MCM10: variants seen among roughly 807,000 people sequenced by gnomAD.
MCM10 encodes the protein minichromosome maintenance 10 replication initiation factor.
In MCM10, 91 loss-of-function variants were observed where a neutral mutation model predicts 109.9. That is an observed-to-expected ratio of 0.83 (90% CI 0.70 to 0.99). MCM10 has a LOEUF of 0.99. Among genes scored for constraint, MCM10 ranks in the 50% least tolerant of loss-of-function variants. MCM10 has a pLI of 0.00. For synonymous variants in MCM10, 380 were observed against 387.2 expected, an observed-to-expected ratio of 0.98 and a Z score of 0.22; for missense variants, 1,077 against 1,061.2, an observed-to-expected ratio of 1.01 and a Z score of -0.21.
chr10:13,174,333 T>C (rs1834113612), intron 5 of MCM10, among the ~76,000 whole-genome samples: 1 of 151,996 alleles, frequency 6.6e-6, no homozygotes, highest in Admixed American at 6.6e-5. Flanking sequence ...TTCATCATGA[T>C]GGGCCAGGCT....
chr10:13,178,846 C>A, intron 6 of MCM10, among the ~76,000 whole-genome samples: 1 of 152,114 alleles, frequency 6.6e-6, no homozygotes, highest in East Asian at 1.9e-4. Context: ...TCAACATAGG[C>A]TATTTTTCCA....
intron 18 of MCM10, among the ~76,000 whole-genome samples, chr10:13,206,652 C>T (rs1215455587): frequency 6.6e-6 from 1 of 152,062 alleles, no homozygotes; most frequent in South Asian, 2.1e-4. Context: ...GTCATTATAG[C>T]AAGAGCTTAT....
chr10:13,191,509 C>T, intron 11 of MCM10, 110 bp downstream of exon 11: 4 of 764,468 alleles, frequency 5.2e-6, no homozygotes. Context: ...GATGGGTACA[C>T]CAAAATCTCA....
chr10:13,176,382 A>G (rs1588468666), intron 6 of MCM10, among the ~76,000 whole-genome samples: 1 of 152,104 alleles, frequency 6.6e-6, no homozygotes, highest in Non-Finnish European at 1.5e-5. Context: ...TCACTACTCC[A>G]TTGCATCTCC....
Position 13,200,042 on chromosome 10 carries a change from T to C in MCM10, c.2238+1235T>C, listed in dbSNP as rs541071359. Among the ~76,000 whole-genome samples the C allele has an allele frequency of 1.3e-4, 20 of 152,130 alleles. No individual in the cohort carries two copies. The South Asian group carries it at 4.1e-3, about 32-fold the overall frequency. ...TTTTCTGTCCCCCATCAGGGCTCACTGCAGCCTCGAACTCCTGGGCTCAAG... is the reference window on the plus strand; with the variant it reads ...TTTTCTGTCCCCCATCAGGGCTCACCGCAGCCTCGAACTCCTGGGCTCAAG... On this transcript the variant is annotated intron_variant, in intron 16 of 19. Coordinates refer to ENST00000378714, the MANE Select transcript of MCM10 (RefSeq NM_018518.5).
Position 13,172,876 on chromosome 10 carries a change from T to A in MCM10, c.592+111T>A. On this transcript the variant is annotated intron_variant, in intron 5 of 19. Transcript: ENST00000378714. The surrounding 1 kb of genome is among the most constrained non-coding windows in gnomAD (Gnocchi z 5.2). ...TCTTTTGGTCTGTCTTATGTCCCCA[T>A]TGAGAAAGAAAGTTTCTTGGGAATG... 1.0e-6 allele frequency: 1 copy of A among 994,442 alleles called. No homozygotes were observed. Among genetic ancestry groups the A allele is most frequent in the East Asian group, 2.6e-5 (1 of 38,198 alleles). 61.6% of individuals were successfully genotyped at this position (994,442 alleles called of 1,614,324 possible). A position where few individuals can be genotyped will look rare whatever the true frequency, so the allele number is the denominator to read the frequency against.
intron 10 of MCM10, among the ~76,000 whole-genome samples, chr10:13,189,567 C>T (rs1251060756): frequency 6.6e-6 from 1 of 152,226 alleles, no homozygotes; most frequent in Non-Finnish European, 1.5e-5. Flanking sequence ...AGGTGATCTG[C>T]CTGCCTCGGC....
Position 13,171,219 on chromosome 10 carries a change from C to T in MCM10, c.305C>T (p.Pro102Leu), listed in dbSNP as rs376103544. The T allele has an allele frequency of 6.2e-7, 1 of 1,613,746 alleles. No homozygotes were observed. The highest frequency in any genetic ancestry group is 8.5e-7 in the Non-Finnish European group (1 of 1,179,832). ...ASQSTENRVL[P>L]APAPRREKTN... ...CAGTCAACTGAAAATAGGGTCCTCC[C>T]TGCTCCTGCCCCCAGGCGAGAGAAA... is the stretch of plus-strand genomic sequence containing the variant. Residue 102 changes from proline to leucine, a missense_variant, in exon 3 of 20, where the codon CCT (proline) becomes CTT (leucine). By Grantham distance (98) the Pro-to-Leu change is moderately conservative. Coordinates refer to ENST00000378714, the MANE Select transcript of MCM10 (RefSeq NM_018518.5).
intron 17 of MCM10, among the ~76,000 whole-genome samples, chr10:13,203,464 C>T (rs564597438): frequency 2.0e-5 from 3 of 152,224 alleles, no homozygotes; most frequent in Admixed American, 2.0e-4. Flanking sequence ...GCCTCGATTC[C>T]CCTTCCCTCT....
chr10:13,184,875 G>A (rs540887624), intron 8 of MCM10, among the ~76,000 whole-genome samples: 1 of 152,126 alleles, frequency 6.6e-6, no homozygotes, highest in Non-Finnish European at 1.5e-5. Flanking sequence ...GGAATACCAT[G>A]CACTGTTTAC....
At chr10:13,180,308 T>C in intron 6 of MCM10, 134 bp from the exon 7 acceptor site, 1 of 544,516 alleles carries the variant, frequency 1.8e-6, no homozygotes. Context: ...GCCTTGGTCA[T>C]ACTATATAAC....
chr10:13,195,214 A>T lies in MCM10; in HGVS notation c.1919A>T (p.Tyr640Phe). The T allele has an allele frequency of 6.2e-7, 1 of 1,612,586 alleles. No individual in the cohort carries two copies. The highest frequency in any genetic ancestry group is 8.5e-7 in the Non-Finnish European group (1 of 1,179,346). The change falls in exon 14 of 20, where the codon TAT becomes TTT. Residue 640 changes from tyrosine to phenylalanine, a missense_variant. Physicochemically the swap from Tyr to Phe is conservative, Grantham distance 22 (BLOSUM62 3). Coordinates refer to ENST00000378714, the MANE Select transcript of MCM10 (RefSeq NM_018518.5). Reference protein sequence around the residue: ...GVLEGDDVLFYDESPPPRPKL... With the variant: ...GVLEGDDVLFFDESPPPRPKL... ...TTGGAAGGAGATGATGTTCTCTTTT[A>T]TGATGAGTCACCACCACCAAGACCA...
chr10:13,204,106 C>T, intron 17 of MCM10, 113 bp from the exon 18 acceptor site: 3 of 1,312,726 alleles, frequency 2.3e-6, no homozygotes, highest in South Asian at 1.5e-5. Context: ...AGCAAGGGCC[C>T]AGGTAGTGAT....
At chr10:13,170,310 T>G (rs1296557123) in intron 2 of MCM10, among the ~76,000 whole-genome samples, 1 of 152,208 alleles carries the variant, frequency 6.6e-6, no homozygotes, top group Non-Finnish European at 1.5e-5. Context: ...AACAAAATGT[T>G]AATGATGGCT....
At chr10:13,192,398 C>T (rs890806248) in intron 12 of MCM10, 33 bp downstream of exon 12, 1 of 1,611,154 alleles carries the variant, frequency 6.2e-7, no homozygotes, top group Non-Finnish European at 8.5e-7. Flanking sequence ...ACGTGTGTCC[C>T]TGTGTTCCCT....
intron 11 of MCM10, 83 bp from the exon 12 acceptor site, chr10:13,192,172 T>G (rs955139447): frequency 2.3e-5 from 19 of 826,268 alleles, no homozygotes; most frequent in Non-Finnish European, 3.2e-5. Context: ...AAATTACAAG[T>G]GCAGAGTTTA....
At chr10:13,192,700 GT>G (rs925311235) in intron 13 of MCM10, 132 bp downstream of exon 13, 4 of 761,220 alleles carry the variant, frequency 5.3e-6, no homozygotes, top group Non-Finnish European at 8.6e-6. Flanking sequence ...GTTTAAAATA[GT>G]TTTCCCATAA....
chr10:13,175,764 T>C, intron 6 of MCM10, 83 bp downstream of exon 6: 1 of 947,060 alleles, frequency 1.1e-6, no homozygotes, highest in Non-Finnish European at 1.6e-6. Context: ...AGTGTGTTTA[T>C]ACATCAGGAT....
chr10:13,205,003 T>C (rs1435557296), intron 18 of MCM10, among the ~76,000 whole-genome samples: 3 of 1,780 alleles, frequency 1.7e-3, no homozygotes, highest in African/African-American at 4.2e-3. Context: ...TGTATGTATG[T>C]ATATATATAT....
Sources: gnomAD v4.1 joint callset for allele counts (sites outside exome capture counted in the v4.1 genomes callset) on GRCh38, gnomAD v4.1.1 for gene constraint, Gnocchi (gnomAD v3.1) non-coding constraint, MANE v1.5 for transcripts, NCBI Gene and HGNC (gene_info 2026-07-23, HGNC 2026-07-21) for gene names.